The following KDM4C variants were observed in gnomAD, a reference collection of about 807,000 sequenced individuals.
KDM4C encodes lysine demethylase 4C, also known as lysine-specific demethylase 4C.
Under a neutral mutation model 129.3 loss-of-function variants are expected in KDM4C, and 81 were observed. The observed-to-expected ratio is 0.63, with a 90% CI of 0.52 to 0.75. KDM4C has a LOEUF of 0.75. KDM4C is among the 30% of genes least tolerant of loss of function. KDM4C has a pLI of 0.00. For synonymous variants in KDM4C, 573 were observed against 456.1 expected (o/e 1.26, Z -3.26); for missense variants, 1,457 against 1,304.0 (o/e 1.12, Z -1.81).
In KDM4C at chr9:7,151,581, G is replaced by A. The variant is rs182674184; in HGVS notation, c.2782-13657G>A. Among the ~76,000 whole-genome samples the A allele has an allele frequency of 7.9e-5, 12 of 152,292 alleles. No individual in the cohort carries two copies. The East Asian group carries it at 2.1e-3, about 27-fold the overall frequency. On this transcript the variant is annotated intron_variant, in intron 19 of 21. Coordinates refer to ENST00000381309, the MANE Select transcript of KDM4C (RefSeq NM_015061.6). ...TCTCAGCTATTTGGGAGGCTGAGGT[G>A]GGAGAATCACCTGAGCCCGGGAAGC...
chr9:6,740,674 A>G (rs967913925), intron 1 of KDM4C, among the ~76,000 whole-genome samples: 2 of 151,360 alleles, frequency 1.3e-5, no homozygotes, highest in Non-Finnish European at 2.9e-5. Context: ...GCGCGCCACC[A>G]CATCCAGCAA....
At chr9:6,900,616 C>A (rs1489664284) in intron 8 of KDM4C, among the ~76,000 whole-genome samples, 2 of 152,198 alleles carry the variant, frequency 1.3e-5, no homozygotes, top group African/African-American at 4.8e-5. Context: ...GCCTGGGCAA[C>A]AATGCAAGAC....
intron 8 of KDM4C, among the ~76,000 whole-genome samples, chr9:6,934,613 G>A (rs577432622): frequency 8.2e-4 from 124 of 151,640 alleles, no homozygotes; most frequent in African/African-American, 2.9e-3. Flanking sequence ...ACAGGCACGC[G>A]CCACCATGCC....
intron 17 of KDM4C, among the ~76,000 whole-genome samples, chr9:7,067,449 T>G (rs540173356): frequency 6.6e-6 from 1 of 152,174 alleles, no homozygotes; most frequent in Non-Finnish European, 1.5e-5. Flanking sequence ...TACATTCTAT[T>G]TCTCTGAGAA....
intron 12 of KDM4C, among the ~76,000 whole-genome samples, chr9:7,010,631 T>C (rs1378879807): frequency 1.3e-5 from 2 of 152,222 alleles, no homozygotes; most frequent in African/African-American, 2.4e-5. Context: ...GGCCACTTGC[T>C]CTGATGTACT....
At chr9:6,820,132 G>C (rs561265574) in intron 4 of KDM4C, among the ~76,000 whole-genome samples, 2 of 152,284 alleles carry the variant, frequency 1.3e-5, no homozygotes, top group Middle Eastern at 3.4e-3. Context: ...TAGACTTTGT[G>C]GGGTGGAGGG....
At position 7,079,847 on chromosome 9, in the gene KDM4C, A is replaced by G. The variant is rs567958327; in HGVS notation, c.2425-23838A>G. ...ATTAATTTTCTGGCCCTCAACTTTT[A>G]ACATGTACTCTTTCCCAAGCTTGAT... is the stretch of plus-strand genomic sequence containing the variant. On this transcript the variant is annotated intron_variant, in intron 17 of 21. Coordinates refer to ENST00000381309, the MANE Select transcript of KDM4C (RefSeq NM_015061.6). 5.3e-5 allele frequency among the ~76,000 whole-genome samples: 8 copies of G among 152,242 alleles called. No homozygotes were observed. The South Asian group carries it at 1.7e-3, about 32-fold the overall frequency.
intron 5 of KDM4C, among the ~76,000 whole-genome samples, chr9:6,856,398 G>T (rs937325180): frequency 7.9e-5 from 12 of 151,982 alleles, no homozygotes; most frequent in Non-Finnish European, 1.6e-4. Flanking sequence ...ATTAACCATG[G>T]TTCATTTTGG....
In KDM4C at chr9:6,952,819, G is replaced by C. The variant is rs530410275; in HGVS notation, c.922-28106G>C. Among the ~76,000 whole-genome samples the C allele has an allele frequency of 8.9e-4, 136 of 152,264 alleles. 1 individual carries two copies. Among genetic ancestry groups the C allele is most frequent in the African/African-American group, 3.2e-3 (132 of 41,544 alleles). ...AGTGCTCTTAGAAAGATGAACGTAA[G>C]ATAAATAGGTTAAATGTGGTTCTCT... On this transcript the variant is annotated intron_variant, in intron 8 of 21. Coordinates refer to ENST00000381309, the MANE Select transcript of KDM4C (RefSeq NM_015061.6).
intron 5 of KDM4C, among the ~76,000 whole-genome samples, chr9:6,874,890 G>C (rs1205555273): frequency 1.3e-5 from 2 of 149,738 alleles, no homozygotes; most frequent in Non-Finnish European, 1.5e-5. Flanking sequence ...AGGAGTTTGA[G>C]ACCAGCTTGG....
chr9:7,036,156 T>C (rs1459942720), intron 15 of KDM4C, among the ~76,000 whole-genome samples: 2 of 152,196 alleles, frequency 1.3e-5, no homozygotes, highest in African/African-American at 4.8e-5. Context: ...CTCCTTCAGT[T>C]TCTTTCTTCA....
chr9:7,069,148 G>T (rs1389902777), intron 17 of KDM4C, among the ~76,000 whole-genome samples: 1 of 152,100 alleles, frequency 6.6e-6, no homozygotes, highest in Non-Finnish European at 1.5e-5. Context: ...GGGCCTGGCT[G>T]TATAAGTGCT....
intron 1 of KDM4C, among the ~76,000 whole-genome samples, chr9:6,749,773 G>C (rs1563927016): frequency 6.6e-6 from 1 of 150,478 alleles, no homozygotes; most frequent in Non-Finnish European, 1.5e-5. Context: ...GATCACCTTA[G>C]GTCAGGAGTT....
At chr9:7,002,266 A>G (rs1820866284) in intron 12 of KDM4C, among the ~76,000 whole-genome samples, 1 of 152,128 alleles carries the variant, frequency 6.6e-6, no homozygotes, top group South Asian at 2.1e-4. Context: ...AATCTTTTAT[A>G]TTACCTAGCA....
intron 5 of KDM4C, among the ~76,000 whole-genome samples, chr9:6,859,734 C>T (rs913275399): frequency 6.6e-6 from 1 of 151,744 alleles, no homozygotes; most frequent in Non-Finnish European, 1.5e-5. Flanking sequence ...GGCGTGGTTG[C>T]AGGCGCCTGT....
intron 8 of KDM4C, among the ~76,000 whole-genome samples, chr9:6,905,838 T>A (rs1027870616): frequency 3.3e-5 from 5 of 152,224 alleles, no homozygotes; most frequent in East Asian, 1.9e-4. Context: ...AAAAATGTGC[T>A]GAGCACAGAT....
chr9:6,958,114 A>C (rs1829397501), intron 8 of KDM4C, among the ~76,000 whole-genome samples: 1 of 149,258 alleles, frequency 6.7e-6, no homozygotes, highest in African/African-American at 2.5e-5. Flanking sequence ...TTGCTTGTAG[A>C]TACTCTTTTT....
chr9:7,054,785 G>C (rs1171489743), intron 17 of KDM4C, among the ~76,000 whole-genome samples: 1 of 152,164 alleles, frequency 6.6e-6, no homozygotes, highest in South Asian at 2.1e-4. Flanking sequence ...CAGCAGAGCA[G>C]GTTTGTGGGT....
rs182577657 is a variant in KDM4C, at chr9:7,093,466, T to G, written c.2425-10219T>G. 6.5e-4 allele frequency among the ~76,000 whole-genome samples: 99 copies of G among 152,264 alleles called. 1 individual carries two copies. The highest frequency in any genetic ancestry group is 1.2e-3 in the Admixed American group (19 of 15,286). Reference sequence around the variant, plus strand: ...ATGTTCTTCATTTTTGCTTATTCATTTTATCTCTGTTCACATGTGTGCGTG... The same window carrying G: ...ATGTTCTTCATTTTTGCTTATTCATGTTATCTCTGTTCACATGTGTGCGTG... On this transcript the variant is annotated intron_variant, in intron 17 of 21. Coordinates refer to ENST00000381309, the MANE Select transcript of KDM4C (RefSeq NM_015061.6).
Sources: gnomAD v4.1 joint callset for allele counts (sites outside exome capture counted in the v4.1 genomes callset) on GRCh38, gnomAD v4.1.1 for gene constraint, MANE v1.5 for transcripts, NCBI Gene and HGNC (gene_info 2026-07-23, HGNC 2026-07-21) for gene names.